The following CCZ1B variants were observed in gnomAD, a reference collection of about 807,000 sequenced individuals.
CCZ1B encodes the protein CCZ1B vacuolar protein trafficking and biogenesis associated.
A neutral mutation model predicts 58.8 loss-of-function variants in CCZ1B; 25 were observed. The ratio of observed to expected loss-of-function variants is 0.43; its 90% CI spans 0.31 to 0.59. The LOEUF (loss-of-function observed/expected upper bound fraction) is 0.59, where lower values mean the gene tolerates loss of function less well. CCZ1B is among the 20% of genes least tolerant of loss of function. CCZ1B has a pLI of 0.12. For missense variants in CCZ1B, 180 were observed against 501.5 expected (o/e 0.36, Z 6.12); for synonymous variants, 66 against 173.2 (o/e 0.38, Z 4.86).
intron 7 of CCZ1B, among the ~76,000 whole-genome samples, chr7:6,818,183 G>C (rs1783036473): frequency 6.7e-6 from 1 of 149,568 alleles, no homozygotes; most frequent in Admixed American, 6.6e-5. Context: ...AAATTTTAGG[G>C]GAACTAGTTT....
chr7:6,805,815 T>A (rs1490504223), intron 11 of CCZ1B, 189 bp downstream of exon 11: 2 of 559,262 alleles, frequency 3.6e-6, no homozygotes, highest in East Asian at 6.2e-5. Flanking sequence ...GGTGGGAAGA[T>A]CACTTGAACC....
intron 10 of CCZ1B, among the ~76,000 whole-genome samples, chr7:6,810,097 C>T (rs1234637255): frequency 3.3e-5 from 5 of 150,744 alleles, no homozygotes; most frequent in Admixed American, 6.6e-5. Flanking sequence ...CTGCAACCTC[C>T]GCCTCGCGGG....
At chr7:6,808,191 C>T in intron 10 of CCZ1B, among the ~76,000 whole-genome samples, 1 of 127,228 alleles carries the variant, frequency 7.9e-6, no homozygotes. Context: ...CCAGCTGTGT[C>T]TCTGTGGCCA....
intron 1 of CCZ1B, among the ~76,000 whole-genome samples, chr7:6,825,338 AAGCGATCCTCTGGCCTC>A (rs956419999): frequency 2.0e-5 from 3 of 146,666 alleles, no homozygotes; most frequent in South Asian, 4.3e-4. Flanking sequence ...ACTTGGGCTC[AAGCGATCCTCTGGCCTC>A]AGCCTCCTGA....
At chr7:6,813,113 T>C (rs1357475960) in intron 8 of CCZ1B, 76 bp from the exon 9 acceptor site, 4 of 988,716 alleles carry the variant, frequency 4.0e-6, no homozygotes, top group Admixed American at 2.8e-5. Context: ...AACAGCATTA[T>C]CTACTAATTG....
chr7:6,824,244 A>G (rs778655312), intron 3 of CCZ1B, 78 bp from the exon 4 acceptor site: 6 of 1,557,560 alleles, frequency 3.9e-6, no homozygotes, highest in Admixed American at 2.2e-5. Context: ...AAAAACTTTG[A>G]ACATGCTACA....
Position 6,817,693 on chromosome 7 carries a change from TTGCCTGATAAACTATTTGTCAAA to T in CCZ1B, c.698+2050_698+2072del, listed in dbSNP as rs1163690376. Among the ~76,000 whole-genome samples the T allele has an allele frequency of 2.0e-5, 3 of 149,826 alleles. 1 individual carries two copies. The highest frequency in any genetic ancestry group is 7.5e-5 in the African/African-American group (3 of 39,788). On this transcript the variant is annotated intron_variant, in intron 7 of 14. Transcript: ENST00000316731. ...ATAGCTGAGTCAGTACAGCGTAAGGTTGCCTGATAAACTATTTGTCAAATTAGAAAGTAGGTGGAGGCCGGGCA... is the reference window on the plus strand; with the variant it reads ...ATAGCTGAGTCAGTACAGCGTAAGGTTTAGAAAGTAGGTGGAGGCCGGGCA...
chr7:6,817,028 T>G (rs1424940863), intron 7 of CCZ1B, among the ~76,000 whole-genome samples: 3 of 152,304 alleles, frequency 2.0e-5, no homozygotes, highest in African/African-American at 7.2e-5. Context: ...CCTCCCAAAG[T>G]GCTGGGATGA....
intron 14 of CCZ1B, among the ~76,000 whole-genome samples, chr7:6,800,404 T>G (rs1782744494): frequency 7.0e-6 from 1 of 143,140 alleles, no homozygotes; most frequent in South Asian, 2.5e-4. Flanking sequence ...CTCACGCCTG[T>G]AATCCCAGCT....
intron 10 of CCZ1B, among the ~76,000 whole-genome samples, chr7:6,810,009 C>T (rs868658262): frequency 1.1e-3 from 162 of 147,418 alleles, no homozygotes; most frequent in Non-Finnish European, 1.8e-3. Flanking sequence ...TCATGTTGAA[C>T]GTGTTTTTTT....
At chr7:6,812,495 C>CAAAAAAAA (rs1171967639) in intron 9 of CCZ1B, 4 of 83,784 alleles carry the variant, frequency 4.8e-5, no homozygotes, top group African/African-American at 1.8e-4. Context: ...CACTCCATCT[C>CAAAAAAAA]AAAAAAAAAA....
At chr7:6,825,989 T>TGCA in intron 1 of CCZ1B, 89 bp downstream of exon 1, 1 of 479,176 alleles carries the variant, frequency 2.1e-6, no homozygotes, top group Admixed American at 5.2e-5. Context: ...GCAGGCTAGG[T>TGCA]CAGTGCCCCT....
chr7:6,818,617 CAAGAAAGAAAGAAAGACAAGA>C (rs1783050843), intron 7 of CCZ1B, among the ~76,000 whole-genome samples: 3 of 92,454 alleles, frequency 3.2e-5, no homozygotes, highest in Non-Finnish European at 4.7e-5. Context: ...GAAAGAAAGA[CAAGAAAGAAAGAAAGACAAGA>C]AAGAAAGAAA....
At chr7:6,814,540 G>A (rs1782967768) in intron 8 of CCZ1B, 2 of 412,768 alleles carry the variant, frequency 4.8e-6, no homozygotes, top group African/African-American at 2.2e-5. Flanking sequence ...CCAACACACA[G>A]ACACACAAAA....
chr7:6,817,861 G>C (rs1201754492), intron 7 of CCZ1B, among the ~76,000 whole-genome samples: 2 of 148,656 alleles, frequency 1.3e-5, no homozygotes, highest in East Asian at 3.9e-4. Context: ...AAAATTAGCT[G>C]GGTGTTGTGG....
intron 1 of CCZ1B, among the ~76,000 whole-genome samples, chr7:6,825,623 G>T (rs1440193478): frequency 0.018 from 1,696 of 95,870 alleles, 5 homozygotes; most frequent in Non-Finnish European, 0.025. Flanking sequence ...GAAAGTCGCC[G>T]TCCCCACCTC....
chr7:6,818,446 G>A (rs1356881676), intron 7 of CCZ1B, among the ~76,000 whole-genome samples: 1 of 149,318 alleles, frequency 6.7e-6, no homozygotes, highest in African/African-American at 2.5e-5. Context: ...CTACCTGGGA[G>A]GCTGAGGCAG....
At chr7:6,813,572 G>A (rs1165787424) in intron 8 of CCZ1B, among the ~76,000 whole-genome samples, 2 of 149,346 alleles carry the variant, frequency 1.3e-5, no homozygotes, top group Middle Eastern at 3.4e-3. Context: ...GAGAGCGGGA[G>A]GACAAGAGGG....
At chr7:6,821,595 A>C (rs763517204) in intron 6 of CCZ1B, among the ~76,000 whole-genome samples, 3 of 135,028 alleles carry the variant, frequency 2.2e-5, no homozygotes, top group Non-Finnish European at 4.9e-5. Flanking sequence ...TTGTTGCTTC[A>C]AGATAAACTA....
Sources: gnomAD v4.1 joint callset for allele counts (sites outside exome capture counted in the v4.1 genomes callset) on GRCh38, gnomAD v4.1.1 for gene constraint, MANE v1.5 for transcripts, NCBI Gene and HGNC (gene_info 2026-07-23, HGNC 2026-07-21) for gene names.